The following GMDS variants were observed in gnomAD, a reference collection of about 807,000 sequenced individuals.
The protein encoded by GMDS is GDP-mannose 4,6-dehydratase, also known as GDP-mannose 4,6 dehydratase.
In GMDS, 20 loss-of-function variants were observed where a neutral mutation model predicts 49.9. The observed-to-expected ratio is 0.40, with a 90% confidence interval of 0.28 to 0.58. The LOEUF is 0.58. GMDS is among the 20% of genes least tolerant of loss of function. The pLI, the probability that GMDS is intolerant of heterozygous loss-of-function variation, is 0.42. For synonymous variants in GMDS, 177 were observed against 178.6 expected (o/e 0.99, Z 0.07); for missense variants, 362 against 481.4 (o/e 0.75, Z 2.32).
chr6:2,080,507 T>C (rs1467216288), intron 4 of GMDS, among the ~76,000 whole-genome samples: 1 of 152,172 alleles, frequency 6.6e-6, no homozygotes, highest in African/African-American at 2.4e-5. Context: ...ATGGTGTTGG[T>C]TGGGTAGGGC....
At chr6:1,888,792 G>C (rs1049850034) in intron 7 of GMDS, among the ~76,000 whole-genome samples, 2 of 152,222 alleles carry the variant, frequency 1.3e-5, no homozygotes, top group African/African-American at 4.8e-5. Flanking sequence ...GATGCAATGA[G>C]GGTACAGGCA....
At chr6:2,077,833 T>C (rs553650821) in intron 4 of GMDS, among the ~76,000 whole-genome samples, 15 of 152,126 alleles carry the variant, frequency 9.9e-5, no homozygotes, top group Non-Finnish European at 1.6e-4. Context: ...CTTCAATTTT[T>C]TGGAATAGTT....
chr6:2,020,729 C>T (rs1048635371), intron 4 of GMDS, among the ~76,000 whole-genome samples: 8 of 152,000 alleles, frequency 5.3e-5, no homozygotes, highest in Non-Finnish European at 1.0e-4. Context: ...GACAGTGATT[C>T]TGTTAATAGT....
rs114425584 is a variant in GMDS, at chr6:2,160,240, A to G, written c.103-35509T>C. Among the ~76,000 whole-genome samples the G allele has an allele frequency of 5.7e-3, 866 of 152,364 alleles. 2 individuals are homozygous for G. Among genetic ancestry groups the G allele is most frequent in the Middle Eastern group, 0.017 (5 of 294 alleles). ...GCCAAAATATCATATCTGAACTCTG[A>G]GAAGAGTGAAGTTCGGATAACAATT... On this transcript the variant is annotated intron_variant, in intron 1 of 10. Coordinates refer to ENST00000380815, the MANE Select transcript of GMDS (RefSeq NM_001500.4).
intron 4 of GMDS, among the ~76,000 whole-genome samples, chr6:2,036,706 G>A (rs1769327089): frequency 5.9e-5 from 9 of 152,136 alleles, no homozygotes; most frequent in Admixed American, 5.9e-4. Context: ...AGGATATACT[G>A]AGAATAAGCA....
chr6:1,852,207 C>T (rs191108493), intron 7 of GMDS, among the ~76,000 whole-genome samples: 2 of 152,180 alleles, frequency 1.3e-5, no homozygotes, highest in Admixed American at 6.5e-5. Flanking sequence ...GAAAACTCAG[C>T]GGGGCATTAC....
chr6:1,999,933 A>G lies in GMDS; in HGVS notation c.346-38967T>C, dbSNP rs1766570058. 2.6e-5 allele frequency among the ~76,000 whole-genome samples: 2 copies of G among 77,964 alleles called. 1 individual carries two copies. The highest frequency in any genetic ancestry group is 7.9e-4 in the South Asian group (2 of 2,538). The allele number at this position is 77,964 out of a possible 152,430, so 51.1% of individuals were successfully genotyped here. The stretch of plus-strand genomic sequence containing the variant: ...ATATATTATATACATATTATATATT[A>G]TTATATATAATATATAATATGTATA... On this transcript the variant is annotated intron_variant, in intron 4 of 10. Transcript: ENST00000380815.
At chr6:1,728,728 T>C (rs1236959231) in intron 8 of GMDS, among the ~76,000 whole-genome samples, 1 of 152,228 alleles carries the variant, frequency 6.6e-6, no homozygotes, top group African/African-American at 2.4e-5. Flanking sequence ...GAGGGGTCTT[T>C]AGACTTTGGT....
intron 4 of GMDS, among the ~76,000 whole-genome samples, chr6:2,030,416 C>T (rs546538110): frequency 1.4e-4 from 21 of 152,112 alleles, no homozygotes; most frequent in African/African-American, 4.3e-4. Flanking sequence ...ATTTGTAGGA[C>T]GAGGTTAAGA....
At chr6:1,952,814 CTG>C (rs1491241016) in intron 6 of GMDS, among the ~76,000 whole-genome samples, 1 of 152,036 alleles carries the variant, frequency 6.6e-6, no homozygotes, top group Non-Finnish European at 1.5e-5. Context: ...TTCTTAAACA[CTG>C]AGAGAAGAAA....
At chr6:1,702,460 G>A (rs754359078) in intron 9 of GMDS, among the ~76,000 whole-genome samples, 43 of 151,808 alleles carry the variant, frequency 2.8e-4, no homozygotes, top group Non-Finnish European at 5.6e-4. Flanking sequence ...ATTCTGGCTC[G>A]GTTTTATAAT....
intron 9 of GMDS, among the ~76,000 whole-genome samples, chr6:1,644,249 G>A (rs528640255): frequency 2.0e-5 from 3 of 152,286 alleles, no homozygotes; most frequent in Non-Finnish European, 4.4e-5. Flanking sequence ...CCGAGCGAAC[G>A]TGTGAACGAT....
intron 4 of GMDS, among the ~76,000 whole-genome samples, chr6:2,108,238 AT>A: frequency 6.6e-6 from 1 of 152,322 alleles, no homozygotes; most frequent in Non-Finnish European, 1.5e-5. Flanking sequence ...TCATTTAAAA[AT>A]AATTGTATGA....
chr6:1,707,969 A>T (rs919452557), intron 9 of GMDS, among the ~76,000 whole-genome samples: 3 of 152,226 alleles, frequency 2.0e-5, no homozygotes, highest in Non-Finnish European at 4.4e-5. Flanking sequence ...CAAAGACTTC[A>T]CAAACTAGGC....
At chr6:1,967,341 G>T (rs1261911287) in intron 4 of GMDS, among the ~76,000 whole-genome samples, 1 of 152,170 alleles carries the variant, frequency 6.6e-6, no homozygotes, top group Non-Finnish European at 1.5e-5. Context: ...CACAGTATTT[G>T]CTGAGTGAAT....
intron 7 of GMDS, among the ~76,000 whole-genome samples, chr6:1,888,254 G>C (rs549374501): frequency 4.2e-4 from 63 of 151,412 alleles, no homozygotes; most frequent in African/African-American, 1.4e-3. Flanking sequence ...TAATTACTAA[G>C]ACTGGGTAAT....
At chr6:2,005,230 G>A (rs932690662) in intron 4 of GMDS, among the ~76,000 whole-genome samples, 2 of 152,064 alleles carry the variant, frequency 1.3e-5, no homozygotes, top group Non-Finnish European at 2.9e-5. Context: ...GATTAATAAC[G>A]TTTTAAATTA....
rs766735875 is a variant in GMDS, at chr6:1,624,175, A to T, written c.1113T>A (p.Asn371Lys). 23 of 1,609,320 alleles carry T rather than the reference A, an allele frequency of 1.4e-5. No homozygotes were observed. The highest frequency in any genetic ancestry group is 5.0e-5 in the Admixed American group (3 of 60,002). ...ADVELMRTNP[N>K]A ...CCGGGCTCCGAGGCGCTGCTCAGGC[A>T]TTGGGGTTTGTCCTCATGAGCTCCA... is the stretch of plus-strand genomic sequence containing the variant. The change falls in exon 11 of 11, where the codon AAT becomes AAA. Residue 371 changes from asparagine (N) to lysine (K), a missense_variant. Transcript: ENST00000380815.
At chr6:1,837,084 AC>A (rs1756959704) in intron 7 of GMDS, among the ~76,000 whole-genome samples, 1 of 152,230 alleles carries the variant, frequency 6.6e-6, no homozygotes, top group Non-Finnish European at 1.5e-5. Flanking sequence ...CAAATATGTC[AC>A]TGTAAGTCTT....
Sources: allele counts gnomAD v4.1 joint callset (sites outside exome capture counted in the v4.1 genomes callset), GRCh38; gene constraint gnomAD v4.1.1; transcripts MANE v1.5; gene names NCBI Gene and HGNC (gene_info 2026-07-23, HGNC 2026-07-21).